ZDHHC14: variants seen among roughly 807,000 people sequenced by gnomAD.
The protein encoded by ZDHHC14 is zDHHC palmitoyltransferase 14.
ZDHHC14 carries 16 observed loss-of-function variants against 47.7 expected under a neutral mutation model. That is an observed-to-expected ratio of 0.34 (90% CI 0.23 to 0.51). The LOEUF is 0.51. Ranked by LOEUF, ZDHHC14 falls within the 20% of genes least tolerant of loss-of-function variation. The probability of loss-of-function intolerance (pLI) is 0.97; values close to 1 mark genes in which losing one functional copy is unlikely to be tolerated. For missense variants in ZDHHC14, 515 were observed against 662.5 expected, an observed-to-expected ratio of 0.78 and a Z score of 2.44; for synonymous variants, 293 against 278.9, an observed-to-expected ratio of 1.05 and a Z score of -0.50.
At chr6:157,517,603 G>A (rs1027207019) in intron 1 of ZDHHC14, among the ~76,000 whole-genome samples, 2 of 152,114 alleles carry the variant, frequency 1.3e-5, no homozygotes, top group Admixed American at 6.5e-5. Context: ...GAGCCACCGC[G>A]CCTGGCCTTA....
chr6:157,672,669 CCA>C, intron 8 of ZDHHC14, 53 bp from the exon 9 acceptor site: 1 of 1,551,824 alleles, frequency 6.4e-7, no homozygotes, highest in Non-Finnish European at 8.8e-7. Context: ...CTGTCCCTCC[CCA>C]CCTCTGCCCC....
At chr6:157,649,258 G>A (rs562825327) in intron 7 of ZDHHC14, among the ~76,000 whole-genome samples, 1 of 152,350 alleles carries the variant, frequency 6.6e-6, no homozygotes, top group African/African-American at 2.4e-5. Flanking sequence ...TTGAAGCGGT[G>A]TGGGGCAGCA....
chr6:157,540,128 C>A (rs1407856279), intron 1 of ZDHHC14, among the ~76,000 whole-genome samples: 1 of 152,172 alleles, frequency 6.6e-6, no homozygotes, highest in African/African-American at 2.4e-5. Context: ...TTCCTCCTTT[C>A]TGGGATGGCT....
chr6:157,646,018 C>G (rs1043972432), intron 6 of ZDHHC14, among the ~76,000 whole-genome samples, 179 bp downstream of exon 6: 1 of 152,202 alleles, frequency 6.6e-6, no homozygotes, highest in African/African-American at 2.4e-5. Flanking sequence ...CGTTTCTCTT[C>G]TGGGAATCTC....
chr6:157,477,196 A>G (rs1779508946), intron 1 of ZDHHC14, among the ~76,000 whole-genome samples: 1 of 152,188 alleles, frequency 6.6e-6, no homozygotes. Flanking sequence ...CCTGACCAAC[A>G]TGGTGAAACC....
chr6:157,382,328 C>G, intron 1 of ZDHHC14, 62 bp downstream of exon 1: 2 of 1,565,288 alleles, frequency 1.3e-6, no homozygotes, highest in Non-Finnish European at 8.6e-7. Flanking sequence ...TCCCCCGCCC[C>G]TCCTCGGGCT....
At chr6:157,464,826 G>A (rs779447545) in intron 1 of ZDHHC14, among the ~76,000 whole-genome samples, 14 of 152,162 alleles carry the variant, frequency 9.2e-5, no homozygotes, top group African/African-American at 2.9e-4. Context: ...TGCCAGGGCC[G>A]TCCGCCCTTG....
intron 1 of ZDHHC14, among the ~76,000 whole-genome samples, chr6:157,454,644 C>T (rs1778873472): frequency 1.3e-5 from 2 of 152,010 alleles, no homozygotes; most frequent in African/African-American, 2.4e-5. Flanking sequence ...GCTGGGATTA[C>T]AAGCGTGAGC....
chr6:157,511,967 TTC>T (rs1426403966), intron 1 of ZDHHC14, among the ~76,000 whole-genome samples: 1 of 152,118 alleles, frequency 6.6e-6, no homozygotes, highest in African/African-American at 2.4e-5. Context: ...TGGTCTTGAT[TTC>T]TTAGAACTGG....
In ZDHHC14 at chr6:157,652,303, G is replaced by A. The variant is rs372752245; in HGVS notation, c.966-1222G>A. 3.6e-4 allele frequency among the ~76,000 whole-genome samples: 55 copies of A among 152,236 alleles called. 1 individual carries two copies. The highest frequency in any genetic ancestry group is 1.2e-3 in the Admixed American group (19 of 15,298). On this transcript the variant is annotated intron_variant, in intron 7 of 8. Transcript: ENST00000359775. ...GTTCCACAGGACTGACACGTAGGAGGCCCTGCTTTCTGAGAAAAGCAGCCC... is the reference window on the plus strand; with the variant it reads ...GTTCCACAGGACTGACACGTAGGAGACCCTGCTTTCTGAGAAAAGCAGCCC...
At chr6:157,637,418 C>A (rs1263389954) in intron 5 of ZDHHC14, among the ~76,000 whole-genome samples, 1 of 152,158 alleles carries the variant, frequency 6.6e-6, no homozygotes. Flanking sequence ...ACCTCCCAGC[C>A]CCTTCCGCTG....
chr6:157,537,287 A>G (rs960983904), intron 1 of ZDHHC14, among the ~76,000 whole-genome samples: 8 of 97,178 alleles, frequency 8.2e-5, no homozygotes, highest in African/African-American at 3.9e-4. Flanking sequence ...AGAGATTGCT[A>G]TTTGAACTGA....
intron 7 of ZDHHC14, among the ~76,000 whole-genome samples, chr6:157,649,835 C>T (rs1358965533): frequency 6.6e-6 from 1 of 152,238 alleles, no homozygotes; most frequent in African/African-American, 2.4e-5. Context: ...ATTGGGAACA[C>T]AGAAAGGCCC....
At chr6:157,496,703 A>G (rs1780074064) in intron 1 of ZDHHC14, among the ~76,000 whole-genome samples, 2 of 152,200 alleles carry the variant, frequency 1.3e-5, no homozygotes, top group African/African-American at 4.8e-5. Context: ...CAGTTTAAGA[A>G]AGAACATGGA....
intron 1 of ZDHHC14, among the ~76,000 whole-genome samples, chr6:157,401,452 C>T (rs1416560463): frequency 1.3e-5 from 2 of 152,064 alleles, no homozygotes; most frequent in African/African-American, 4.8e-5. Context: ...CTGAGGCCCA[C>T]GAGGCTGGAT....
intron 1 of ZDHHC14, among the ~76,000 whole-genome samples, chr6:157,452,690 A>ACTTTT (rs1778829106): frequency 1.4e-5 from 1 of 72,960 alleles, no homozygotes; most frequent in Non-Finnish European, 2.4e-5. Flanking sequence ...ATACATGGGG[A>ACTTTT]TTTTTTTTTT....
At chr6:157,540,012 A>T (rs775713665) in intron 1 of ZDHHC14, among the ~76,000 whole-genome samples, 1 of 152,178 alleles carries the variant, frequency 6.6e-6, no homozygotes, top group Non-Finnish European at 1.5e-5. Flanking sequence ...ACACAGACAG[A>T]GGCATTTCGG....
chr6:157,445,611 G>T (rs896817926), intron 1 of ZDHHC14, among the ~76,000 whole-genome samples: 1 of 152,208 alleles, frequency 6.6e-6, no homozygotes, highest in African/African-American at 2.4e-5. Flanking sequence ...TAAGCCTAAT[G>T]TCCTGCAGAA....
At chr6:157,628,753 A>G (rs1785541241) in intron 4 of ZDHHC14, 1 of 455,454 alleles carries the variant, frequency 2.2e-6, no homozygotes, top group Non-Finnish European at 3.9e-6. Context: ...CTTTCACCAA[A>G]CAATACCTCC....
Sources: gnomAD v4.1 joint callset for allele counts (sites outside exome capture counted in the v4.1 genomes callset) on GRCh38, gnomAD v4.1.1 for gene constraint, MANE v1.5 for transcripts, NCBI Gene and HGNC (gene_info 2026-07-23, HGNC 2026-07-21) for gene names.